Variants in FHIT observed in about 807,000 individuals in gnomAD.
The protein encoded by FHIT is bis(5'-adenosyl)-triphosphatase.
In FHIT, 19 loss-of-function variants were observed where a neutral mutation model predicts 17.9. The observed-to-expected ratio is 1.06, with a 90% confidence interval of 0.74 to 1.56. FHIT has a LOEUF of 1.56. FHIT is among the 40% of genes most tolerant of loss of function. The pLI, the probability that FHIT is intolerant of heterozygous loss-of-function variation, is 0.00. For missense variants in FHIT, 248 were observed against 189.2 expected (o/e 1.31, Z -1.82); for synonymous variants, 81 against 69.7 (o/e 1.16, Z -0.81).
intron 5 of FHIT, among the ~76,000 whole-genome samples, chr3:60,517,007 C>G (rs1468530578): frequency 6.6e-6 from 1 of 152,184 alleles, no homozygotes; most frequent in African/African-American, 2.4e-5. Flanking sequence ...AAAACCCTTT[C>G]ATGTTCAAAG....
chr3:60,871,269 A>G (rs1704404693), intron 3 of FHIT, among the ~76,000 whole-genome samples: 1 of 152,088 alleles, frequency 6.6e-6, no homozygotes, highest in African/African-American at 2.4e-5. Flanking sequence ...AACTATAGAG[A>G]GCTTTATGGT....
intron 4 of FHIT, among the ~76,000 whole-genome samples, chr3:60,558,320 G>A (rs2036813802): frequency 6.6e-6 from 1 of 151,970 alleles, no homozygotes; most frequent in Non-Finnish European, 1.5e-5. Context: ...CCATGGCTCA[G>A]GCCAGGGTTT....
chr3:59,853,735 G>A (rs988591477), intron 8 of FHIT, among the ~76,000 whole-genome samples: 2 of 152,048 alleles, frequency 1.3e-5, no homozygotes, highest in African/African-American at 2.4e-5. Flanking sequence ...AGAGATATGG[G>A]GACACACACA....
chr3:60,779,513 C>G (rs182859264), intron 4 of FHIT, among the ~76,000 whole-genome samples: 2 of 152,278 alleles, frequency 1.3e-5, no homozygotes, highest in African/African-American at 4.8e-5. Context: ...AGTGAACTAA[C>G]CAAAGCCAAG....
At chr3:60,253,828 C>A (rs1225696127) in intron 5 of FHIT, among the ~76,000 whole-genome samples, 3 of 152,142 alleles carry the variant, frequency 2.0e-5, no homozygotes, top group African/African-American at 7.2e-5. Context: ...GTATCCTTCT[C>A]CAGAATGCAC....
intron 5 of FHIT, among the ~76,000 whole-genome samples, chr3:60,432,618 T>C (rs900943869): frequency 6.6e-6 from 1 of 152,114 alleles, no homozygotes; most frequent in Non-Finnish European, 1.5e-5. Flanking sequence ...CAAATAAACA[T>C]AATTCTAATT....
At chr3:59,939,162 C>A (rs1350897773) in intron 7 of FHIT, among the ~76,000 whole-genome samples, 3 of 152,148 alleles carry the variant, frequency 2.0e-5, no homozygotes, top group African/African-American at 7.2e-5. Flanking sequence ...TCCATAGGTA[C>A]CAGCCAGAAA....
intron 5 of FHIT, among the ~76,000 whole-genome samples, chr3:60,368,787 C>A (rs1186925184): frequency 6.6e-6 from 1 of 152,050 alleles, no homozygotes; most frequent in Non-Finnish European, 1.5e-5. Flanking sequence ...TGTTATAGAA[C>A]TTCTACAGTT....
intron 4 of FHIT, among the ~76,000 whole-genome samples, chr3:60,538,857 A>T (rs1232191805): frequency 2.0e-5 from 3 of 152,122 alleles, no homozygotes; most frequent in Non-Finnish European, 1.5e-5. Flanking sequence ...AACCTAGGCA[A>T]TACCATTCAG....
intron 4 of FHIT, among the ~76,000 whole-genome samples, chr3:60,721,685 G>T (rs1275066745): frequency 2.0e-5 from 3 of 152,044 alleles, no homozygotes; most frequent in African/African-American, 7.2e-5. Flanking sequence ...ATCATACACT[G>T]GCATAGTCCT....
chr3:60,921,825 G>A (rs1201911321), intron 3 of FHIT, among the ~76,000 whole-genome samples: 1 of 152,182 alleles, frequency 6.6e-6, no homozygotes, highest in East Asian at 1.9e-4. Context: ...TTAGGGAAGG[G>A]GCAAGACATG....
chr3:59,835,602 G>A (rs940333574), intron 8 of FHIT, among the ~76,000 whole-genome samples: 2 of 152,058 alleles, frequency 1.3e-5, no homozygotes, highest in African/African-American at 2.4e-5. Context: ...CCTACCAAGA[G>A]GCAGTAAATG....
At chr3:60,507,491 G>GC (rs1007971145) in intron 5 of FHIT, among the ~76,000 whole-genome samples, 3 of 152,170 alleles carry the variant, frequency 2.0e-5, no homozygotes, top group African/African-American at 7.2e-5. Context: ...GTTTCATTTT[G>GC]TTTTTTTACA....
chr3:61,102,655 T>C (rs1277265762), intron 2 of FHIT, among the ~76,000 whole-genome samples: 1 of 152,216 alleles, frequency 6.6e-6, no homozygotes. Flanking sequence ...GTATCTCTGG[T>C]AGAATTTGGC....
intron 4 of FHIT, among the ~76,000 whole-genome samples, chr3:60,628,140 T>C (rs1354951532): frequency 6.6e-6 from 1 of 152,230 alleles, no homozygotes; most frequent in Admixed American, 6.5e-5. Flanking sequence ...GCTGTTATGT[T>C]ACATCTTCAT....
intron 5 of FHIT, among the ~76,000 whole-genome samples, chr3:60,418,426 A>ATATATATATATG (rs1559897379): frequency 6.6e-5 from 1 of 15,178 alleles, no homozygotes; most frequent in Non-Finnish European, 1.8e-4. Flanking sequence ...ATATATATAT[A>ATATATATATATG]CGTGTATACA....
chr3:60,258,177 A>T (rs966370863), intron 5 of FHIT, among the ~76,000 whole-genome samples: 5 of 152,040 alleles, frequency 3.3e-5, no homozygotes, highest in African/African-American at 1.2e-4. Flanking sequence ...ACCTCCAAAT[A>T]TTACAATAAA....
chr3:59,939,988 T>C (rs1706432920), intron 7 of FHIT, among the ~76,000 whole-genome samples: 1 of 152,208 alleles, frequency 6.6e-6, no homozygotes, highest in Non-Finnish European at 1.5e-5. Flanking sequence ...GTTCAGGTCC[T>C]TAACCTTAGG....
intron 4 of FHIT, among the ~76,000 whole-genome samples, chr3:60,572,981 C>T (rs77654643): frequency 0.041 from 6,192 of 152,154 alleles, 418 homozygotes; most frequent in African/African-American, 0.14. Flanking sequence ...CCTATTATTT[C>T]CATATTTCAC....
Sources: gnomAD v4.1 joint callset for allele counts (sites outside exome capture counted in the v4.1 genomes callset) on GRCh38, gnomAD v4.1.1 for gene constraint, MANE v1.5 for transcripts, NCBI Gene and HGNC (gene_info 2026-07-23, HGNC 2026-07-21) for gene names.